The following TMEM178B variants were observed in gnomAD, a reference collection of about 807,000 sequenced individuals.
TMEM178B encodes transmembrane protein 178B.
In TMEM178B, 5 loss-of-function variants were observed where a neutral mutation model predicts 31.0. The ratio of observed to expected loss-of-function variants is 0.16; its 90% CI spans 0.08 to 0.34. TMEM178B has a LOEUF of 0.34. Ranked by LOEUF, TMEM178B falls within the 10% of genes least tolerant of loss-of-function variation. The pLI is 1.00. For synonymous variants in TMEM178B, 164 were observed against 164.0 expected (o/e 1.00, Z 0.00); for missense variants, 275 against 400.3 (o/e 0.69, Z 2.67).
chr7:141,218,615 C>A (rs1797201236), intron 2 of TMEM178B, among the ~76,000 whole-genome samples: 1 of 151,680 alleles, frequency 6.6e-6, no homozygotes, highest in Admixed American at 6.6e-5. Flanking sequence ...TGGGGCAGGA[C>A]TCTTAACTTA....
chr7:141,308,462 A>C (rs1287849474), intron 2 of TMEM178B, among the ~76,000 whole-genome samples: 1 of 152,176 alleles, frequency 6.6e-6, no homozygotes, highest in Non-Finnish European at 1.5e-5. Context: ...ACAGTGGTGC[A>C]AGCATAGCTC....
Position 141,422,922 on chromosome 7 carries a change from G to C in TMEM178B, c.497-14686G>C, listed in dbSNP as rs1242413052. 1.3e-5 allele frequency among the ~76,000 whole-genome samples: 2 copies of C among 152,156 alleles called. No homozygotes were observed. Among genetic ancestry groups the C allele is most frequent in the Admixed American group, 1.3e-4 (2 of 15,272 alleles). ...TAGCAAGCTCTACACAAGGTCTCAC[G>C]CCTCTCTTTAGAACAGTGCTGTCCC... On this transcript the variant is annotated intron_variant, in intron 2 of 3. Coordinates refer to ENST00000565468, the MANE Select transcript of TMEM178B (RefSeq NM_001195278.2). This position sits in a 1 kb window ranked among gnomAD's most constrained non-coding sequence, Gnocchi z 4.2.
chr7:141,425,086 T>C (rs1351000467), intron 2 of TMEM178B, among the ~76,000 whole-genome samples: 1 of 152,224 alleles, frequency 6.6e-6, no homozygotes, highest in African/African-American at 2.4e-5. Context: ...ATATAGTCGT[T>C]GGGAGGATGA....
chr7:141,196,149 GCA>G (rs964386901), intron 1 of TMEM178B, among the ~76,000 whole-genome samples: 8 of 151,102 alleles, frequency 5.3e-5, no homozygotes, highest in Admixed American at 1.3e-4. Context: ...ACACACACAT[GCA>G]CACACACACA....
chr7:141,324,850 A>AT (rs1380966056), intron 2 of TMEM178B, among the ~76,000 whole-genome samples: 1 of 152,102 alleles, frequency 6.6e-6, no homozygotes, highest in Non-Finnish European at 1.5e-5. Flanking sequence ...GTCCCTTTGC[A>AT]TAAAAACAGG....
chr7:141,130,771 CTAAG>C (rs1795581979), intron 1 of TMEM178B, among the ~76,000 whole-genome samples: 1 of 152,076 alleles, frequency 6.6e-6, no homozygotes, highest in Non-Finnish European at 1.5e-5. Context: ...AGGAATTATA[CTAAG>C]TAATTAACTA....
chr7:141,501,560 A>AT, the TMEM178B span, among the ~76,000 whole-genome samples: 1 of 152,188 alleles, frequency 6.6e-6, no homozygotes, highest in Admixed American at 6.5e-5. Flanking sequence ...CTGTAAAAAT[A>AT]TTTTTTTAAA....
intron 2 of TMEM178B, among the ~76,000 whole-genome samples, chr7:141,433,618 G>A (rs1390721944): frequency 1.3e-5 from 2 of 152,028 alleles, no homozygotes; most frequent in African/African-American, 2.4e-5. Flanking sequence ...ATCTTTAATT[G>A]CATTATTTTC....
downstream of TMEM178B, among the ~76,000 whole-genome samples, chr7:141,482,722 A>G (rs1195370833): frequency 6.6e-6 from 1 of 152,212 alleles, no homozygotes; most frequent in Non-Finnish European, 1.5e-5. Flanking sequence ...GATTACAATC[A>G]GCAAAGGTAA....
intron 2 of TMEM178B, among the ~76,000 whole-genome samples, chr7:141,214,871 C>T (rs962624535): frequency 3.9e-5 from 6 of 152,006 alleles, no homozygotes; most frequent in Admixed American, 6.6e-5. Context: ...GAAAAGGTCT[C>T]GGGCACTTGG....
chr7:141,427,167 C>T (rs1377868775), intron 2 of TMEM178B, among the ~76,000 whole-genome samples: 1 of 152,148 alleles, frequency 6.6e-6, no homozygotes, highest in African/African-American at 2.4e-5. Context: ...GTGCAATCCC[C>T]TATCAAAATA....
At chr7:141,278,197 G>C (rs1419045297) in intron 2 of TMEM178B, among the ~76,000 whole-genome samples, 1 of 152,218 alleles carries the variant, frequency 6.6e-6, no homozygotes, top group Non-Finnish European at 1.5e-5. Context: ...CAGAATGAAG[G>C]CTTTGTTCCC....
At chr7:141,444,361 T>A (rs1180594508) in intron 3 of TMEM178B, among the ~76,000 whole-genome samples, 1 of 152,212 alleles carries the variant, frequency 6.6e-6, no homozygotes, top group Non-Finnish European at 1.5e-5. Flanking sequence ...ATAGGAAAAG[T>A]GAATTGTGTG....
chr7:141,086,844 C>T (rs577089131), intron 1 of TMEM178B, among the ~76,000 whole-genome samples: 10 of 152,220 alleles, frequency 6.6e-5, no homozygotes, highest in East Asian at 5.8e-4. Flanking sequence ...CCTGCCACCA[C>T]GCCCAGCTGA....
intron 2 of TMEM178B, among the ~76,000 whole-genome samples, chr7:141,234,006 G>C (rs1563126398): frequency 6.6e-6 from 1 of 152,178 alleles, no homozygotes; most frequent in Admixed American, 6.5e-5. Context: ...CAGGCATGGG[G>C]AGTTGGTCCC....
At chr7:141,149,434 G>C (rs1479974285) in intron 1 of TMEM178B, among the ~76,000 whole-genome samples, 1 of 152,154 alleles carries the variant, frequency 6.6e-6, no homozygotes, top group Non-Finnish European at 1.5e-5. Context: ...TGTAATTCCA[G>C]CTACTCAGGA....
rs374455186 is a variant in TMEM178B, at chr7:141,232,001, A to G, written c.496+19297A>G. Reference sequence around the variant, plus strand: ...CAGGCCCTGGTGTGTGATGTTCCCCACCCATGTTTCCATGTGTTCTCATCG... The same window carrying G: ...CAGGCCCTGGTGTGTGATGTTCCCCGCCCATGTTTCCATGTGTTCTCATCG... On this transcript the variant is annotated intron_variant, in intron 2 of 3. Coordinates refer to ENST00000565468, the MANE Select transcript of TMEM178B (RefSeq NM_001195278.2). Among the ~76,000 whole-genome samples the G allele has an allele frequency of 4.7e-4, 71 of 151,672 alleles. No individual in the cohort carries two copies. In the East Asian group the frequency reaches 5.1e-3, roughly 11 times the overall value.
chr7:141,158,214 G>T (rs1796107337), intron 1 of TMEM178B, among the ~76,000 whole-genome samples: 3 of 152,094 alleles, frequency 2.0e-5, no homozygotes. Context: ...TCTTGCCTCA[G>T]CCCCCCAAGT....
chr7:141,159,132 C>T (rs1201370241), intron 1 of TMEM178B, among the ~76,000 whole-genome samples: 11 of 152,076 alleles, frequency 7.2e-5, no homozygotes, highest in Non-Finnish European at 1.5e-5. Flanking sequence ...TGTTCTATCC[C>T]CATCTGATGG....
Sources: allele counts gnomAD v4.1 joint callset (sites outside exome capture counted in the v4.1 genomes callset), GRCh38; gene constraint gnomAD v4.1.1; non-coding constraint Gnocchi (gnomAD v3.1); transcripts MANE v1.5; gene names NCBI Gene and HGNC (gene_info 2026-07-23, HGNC 2026-07-21).